Variants in HNRNPLL observed in about 807,000 individuals in gnomAD.
The protein encoded by HNRNPLL is heterogeneous nuclear ribonucleoprotein L like.
In HNRNPLL, 25 loss-of-function variants were observed where a neutral mutation model predicts 67.1. That is an observed-to-expected ratio of 0.37 (90% CI 0.27 to 0.52). The LOEUF is 0.52. Among genes scored for constraint, HNRNPLL ranks in the 20% least tolerant of loss-of-function variants. HNRNPLL has a pLI of 0.90. For missense variants in HNRNPLL, 542 were observed against 673.9 expected (o/e 0.80, Z 2.17); for synonymous variants, 267 against 241.7 (o/e 1.10, Z -0.97).
At chr2:38,566,636 T>C (rs1235727309) in intron 12 of HNRNPLL, among the ~76,000 whole-genome samples, 1 of 151,666 alleles carries the variant, frequency 6.6e-6, no homozygotes, top group African/African-American at 2.4e-5. Flanking sequence ...TACCTAACTA[T>C]AAACCTTCAT....
At chr2:38,599,724 A>G (rs919446187) in intron 1 of HNRNPLL, among the ~76,000 whole-genome samples, 16 of 152,242 alleles carry the variant, frequency 1.1e-4, no homozygotes, top group African/African-American at 1.4e-4. Context: ...GAGCCTTTGT[A>G]GAACCACTAT....
Position 38,567,126 on chromosome 2 carries a change from C to T in HNRNPLL, c.1573+1073G>A, listed in dbSNP as rs577779984. On this transcript the variant is annotated intron_variant, in intron 12 of 12. Transcript: ENST00000449105. ...GTTTTTTTATTTTATTTTTTTGAGA[C>T]GGAGTCTTGCTCTGTTGCCCAGGCT... is the stretch of plus-strand genomic sequence containing the variant. Among the ~76,000 whole-genome samples, 21 of 152,076 alleles carry T rather than the reference C, an allele frequency of 1.4e-4. No homozygotes were observed. In the East Asian group the frequency reaches 3.9e-3, roughly 28 times the overall value.
intron 6 of HNRNPLL, among the ~76,000 whole-genome samples, chr2:38,578,333 T>C (rs997103853): frequency 6.6e-6 from 1 of 152,018 alleles, no homozygotes; most frequent in Non-Finnish European, 1.5e-5. Context: ...AAAAAATTAT[T>C]TATAAGTTTC....
chr2:38,566,440 C>T (rs1048489585), intron 12 of HNRNPLL, among the ~76,000 whole-genome samples: 1 of 146,238 alleles, frequency 6.8e-6, no homozygotes, highest in Non-Finnish European at 1.5e-5. Context: ...AACAGGTTAA[C>T]AATTTCACTT....
At chr2:38,565,291 TTATAATC>T (rs1457420207) in intron 12 of HNRNPLL, among the ~76,000 whole-genome samples, 1 of 152,200 alleles carries the variant, frequency 6.6e-6, no homozygotes, top group African/African-American at 2.4e-5. Context: ...TCCAAACAGT[TTATAATC>T]TATATACTGT....
intron 12 of HNRNPLL, among the ~76,000 whole-genome samples, chr2:38,567,062 C>A (rs1163341590): frequency 6.6e-6 from 1 of 151,854 alleles, no homozygotes; most frequent in Non-Finnish European, 1.5e-5. Flanking sequence ...TAAGTGAAAA[C>A]AGCAAGACAC....
intron 3 of HNRNPLL, among the ~76,000 whole-genome samples, chr2:38,584,730 A>G (rs954484593): frequency 6.6e-6 from 1 of 152,176 alleles, no homozygotes; most frequent in Admixed American, 6.5e-5. Context: ...ACATGTCACT[A>G]AACAAGACGC....
chr2:38,581,801 T>C lies in HNRNPLL; in HGVS notation c.802+112A>G. The C allele has an allele frequency of 4.1e-6, 3 of 734,942 alleles. No individual in the cohort carries two copies. The South Asian group carries it at 4.8e-5, about 12-fold the overall frequency. The allele number at this position is 734,942 out of a possible 1,614,324, so 45.5% of individuals were successfully genotyped here. The stretch of plus-strand genomic sequence containing the variant: ...TGGCCTTTTGCAACAAAAGCATTCA[T>C]CAACAAGGTTTTCATTTGAATTAAC... On this transcript the variant is annotated intron_variant, in intron 6 of 12. Transcript: ENST00000449105.
intron 2 of HNRNPLL, among the ~76,000 whole-genome samples, chr2:38,587,768 G>A (rs1666791179): frequency 6.6e-6 from 1 of 152,134 alleles, no homozygotes; most frequent in African/African-American, 2.4e-5. Flanking sequence ...ATATGGTGTG[G>A]CTCTGTGTCC....
At chr2:38,601,034 C>T (rs1410970308) in intron 1 of HNRNPLL, among the ~76,000 whole-genome samples, 1 of 152,204 alleles carries the variant, frequency 6.6e-6, no homozygotes, top group Non-Finnish European at 1.5e-5. Flanking sequence ...TGATCGAATA[C>T]ATCGAAATAT....
intron 8 of HNRNPLL, among the ~76,000 whole-genome samples, chr2:38,570,992 C>A (rs1666055445): frequency 6.6e-6 from 1 of 152,082 alleles, no homozygotes. Flanking sequence ...CTGAAGTAAT[C>A]TATGACGGTG....
Position 38,562,021 on chromosome 2 carries a change from T to C in HNRNPLL, c.*2161A>G, listed in dbSNP as rs556959312. 1.3e-5 allele frequency: 2 copies of C among 152,332 alleles called. No homozygotes were observed. Among genetic ancestry groups the C allele is most frequent in the South Asian group, 4.1e-4 (2 of 4,830 alleles). The allele number at this position is 152,332 out of a possible 1,614,324, so 9.4% of individuals were successfully genotyped here. ...TATCAAATGTGTAGTAGGATTTGGA[T>C]ACAGAGATGGGATTTCAATATTTTT... On this transcript the variant is annotated 3_prime_UTR_variant, in exon 13 of 13. Coordinates refer to ENST00000449105, the MANE Select transcript of HNRNPLL (RefSeq NM_138394.4).
chr2:38,599,250 G>A (rs751726937), intron 1 of HNRNPLL, among the ~76,000 whole-genome samples: 1 of 152,136 alleles, frequency 6.6e-6, no homozygotes, highest in Non-Finnish European at 1.5e-5. Context: ...CACTTCATCA[G>A]CAAACCACTT....
At chr2:38,583,563 C>T (rs1666618811) in intron 4 of HNRNPLL, among the ~76,000 whole-genome samples, 1 of 152,164 alleles carries the variant, frequency 6.6e-6, no homozygotes, top group Non-Finnish European at 1.5e-5. Context: ...GAAAAGTTCA[C>T]TTAGGATAAA....
rs1411894978 is a variant in HNRNPLL, at chr2:38,569,320, T to C, written c.1229A>G (p.His410Arg). 1 of 1,608,632 alleles carries C rather than the reference T, an allele frequency of 6.2e-7. No individual in the cohort carries two copies. The highest frequency in any genetic ancestry group is 1.1e-5 in the South Asian group (1 of 90,926). Residue 410 changes from histidine (H) to arginine (R), a missense_variant, in exon 10 of 13, where the codon CAT becomes CGT. By Grantham distance (29) the His-to-Arg change is conservative. Coordinates refer to ENST00000449105, the MANE Select transcript of HNRNPLL (RefSeq NM_138394.4). ...AAATATTTGACTTGGAACAACTGAA[T>C]GTTGTTTAGACACGCTAAAGATTGT... is the stretch of plus-strand genomic sequence containing the variant. ...KRLNVCVSKQ[H>R]SVVPSQIFEL...
At chr2:38,583,225 A>T (rs941281773) in intron 4 of HNRNPLL, among the ~76,000 whole-genome samples, 2 of 152,212 alleles carry the variant, frequency 1.3e-5, no homozygotes, top group African/African-American at 4.8e-5. Context: ...TATATAAGGT[A>T]AAAAAACAAA....
intron 4 of HNRNPLL, 33 bp from the exon 5 acceptor site, chr2:38,582,201 ATC>A (rs1666555969): frequency 1.4e-6 from 2 of 1,384,312 alleles, no homozygotes; most frequent in African/African-American, 2.8e-5. Context: ...GGTTTAAGGT[ATC>A]TGATACTTAA....
At position 38,569,160 on chromosome 2, in the gene HNRNPLL, C is replaced by T. The variant is rs1665977529; in HGVS notation, c.1389G>A (p.Leu463=). 1 of 1,611,870 alleles carries T rather than the reference C, an allele frequency of 6.2e-7. No individual in the cohort carries two copies. Among genetic ancestry groups the T allele is most frequent in the Middle Eastern group, 1.7e-4 (1 of 6,052 alleles). The change falls in exon 10 of 13, where the codon TTG becomes TTA. Residue 463 remains leucine, a synonymous_variant. Coordinates refer to ENST00000449105, the MANE Select transcript of HNRNPLL (RefSeq NM_138394.4). ...SCVLHYYNVP[L]CVTEETFTKL... ...TTGTGAAGGTCTCTTCTGTGACACA[C>T]AATGGAACATTATAATAATGCAAAA...
At chr2:38,582,372 G>A (rs528762716) in intron 4 of HNRNPLL, among the ~76,000 whole-genome samples, 10 of 152,154 alleles carry the variant, frequency 6.6e-5, no homozygotes, top group South Asian at 6.2e-4. Flanking sequence ...GTGCAGTGGC[G>A]CGACCTGGGC....
Sources: allele counts gnomAD v4.1 joint callset (sites outside exome capture counted in the v4.1 genomes callset), GRCh38; gene constraint gnomAD v4.1.1; transcripts MANE v1.5; gene names NCBI Gene and HGNC (gene_info 2026-07-23, HGNC 2026-07-21).